Variants in ACTN1 observed in about 807,000 individuals in gnomAD.
The protein encoded by ACTN1 is actinin alpha 1.
ACTN1 carries 30 observed loss-of-function variants against 119.6 expected under a neutral mutation model. That is an observed-to-expected ratio of 0.25 (90% CI 0.19 to 0.34). The LOEUF (loss-of-function observed/expected upper bound fraction) is 0.34. Among genes scored for constraint, ACTN1 ranks in the 10% least tolerant of loss-of-function variants. ACTN1 has a pLI of 1.00. For synonymous variants in ACTN1, 429 were observed against 472.6 expected, an observed-to-expected ratio of 0.91 and a Z score of 1.20; for missense variants, 764 against 1,223.4, an observed-to-expected ratio of 0.62 and a Z score of 5.60.
chr14:68,961,130 G>C (rs141708868), intron 1 of ACTN1, among the ~76,000 whole-genome samples: 141 of 152,228 alleles, frequency 9.3e-4, no homozygotes, highest in African/African-American at 3.2e-3. Context: ...CACCTCAAAT[G>C]CTTTTTGGAA....
chr14:68,947,953 G>A (rs1594858946), intron 1 of ACTN1, among the ~76,000 whole-genome samples: 3 of 152,202 alleles, frequency 2.0e-5, no homozygotes, highest in Non-Finnish European at 2.9e-5. Context: ...CATCACACAC[G>A]CACATAATCC....
chr14:68,977,898 G>A (rs2037119270), intron 1 of ACTN1: 1 of 454,972 alleles, frequency 2.2e-6, no homozygotes, highest in African/African-American at 2.0e-5. Context: ...CGGGAGGAGG[G>A]GGAGGGAAAG....
chr14:68,926,065 C>G (rs924063419), intron 1 of ACTN1, among the ~76,000 whole-genome samples: 1 of 152,130 alleles, frequency 6.6e-6, no homozygotes, highest in African/African-American at 2.4e-5. Flanking sequence ...AGAGTAACCC[C>G]GAAGGAACAT....
At chr14:68,937,009 C>T (rs1030683431) in intron 1 of ACTN1, 1 of 319,304 alleles carries the variant, frequency 3.1e-6, no homozygotes, top group Non-Finnish European at 6.1e-6. Context: ...AGTTTTCTCC[C>T]CTAACCATTT....
intron 1 of ACTN1, among the ~76,000 whole-genome samples, chr14:68,950,477 T>TATATATATATATATATATATATATATAC (rs1349794768): frequency 8.3e-5 from 12 of 144,882 alleles, no homozygotes; most frequent in African/African-American, 2.9e-4. Flanking sequence ...TATATATATA[T>TATATATATATATATATATATATATATAC]AAATCAAACA....
intron 1 of ACTN1, among the ~76,000 whole-genome samples, chr14:68,951,908 G>A (rs2036183375): frequency 6.6e-6 from 1 of 152,190 alleles, no homozygotes; most frequent in Admixed American, 6.5e-5. Flanking sequence ...ACTAATGCTG[G>A]CAAACAGCAG....
Position 68,874,811 on chromosome 14 carries a change from G to A in ACTN1, c.*48C>T. The A allele has an allele frequency of 1.3e-6, 2 of 1,495,102 alleles. No homozygotes were observed. The highest frequency in any genetic ancestry group is 2.1e-5 in the Admixed American group (1 of 47,456). The allele number at this position is 1,495,102 out of a possible 1,614,324, so 92.6% of individuals were successfully genotyped here. ...GCAGGAGATGGGCGACGGCGGAGGT[G>A]CAAGGCAGGGCACGGCGCACAAGAC... On this transcript the variant is annotated 3_prime_UTR_variant, in exon 22 of 22. Coordinates refer to ENST00000394419, the MANE Select transcript of ACTN1 (RefSeq NM_001130004.2).
intron 1 of ACTN1, among the ~76,000 whole-genome samples, chr14:68,934,099 A>T (rs1280532125): frequency 6.6e-6 from 1 of 152,256 alleles, no homozygotes; most frequent in Non-Finnish European, 1.5e-5. Flanking sequence ...CTAAATGTGA[A>T]TTAAGACCCA....
intron 8 of ACTN1, among the ~76,000 whole-genome samples, chr14:68,901,249 G>GTTTT (rs564351239): frequency 1.2e-4 from 12 of 103,494 alleles, no homozygotes; most frequent in African/African-American, 3.0e-4. Context: ...TTTTTGTTTT[G>GTTTT]TTTTTTTTTT....
At chr14:68,903,509 C>T (rs1330091685) in intron 7 of ACTN1, among the ~76,000 whole-genome samples, 10 of 150,456 alleles carry the variant, frequency 6.6e-5, no homozygotes, top group African/African-American at 2.2e-4. Flanking sequence ...AGCACTCCAG[C>T]CTGGGTGACA....
chr14:68,952,007 A>G (rs1220297509), intron 1 of ACTN1, among the ~76,000 whole-genome samples: 2 of 152,246 alleles, frequency 1.3e-5, no homozygotes, highest in Non-Finnish European at 2.9e-5. Flanking sequence ...TTAAGGGAGT[A>G]GAGCATGGAA....
intron 1 of ACTN1, among the ~76,000 whole-genome samples, chr14:68,941,731 A>C (rs1010408960): frequency 6.6e-6 from 1 of 151,462 alleles, no homozygotes; most frequent in African/African-American, 2.4e-5. Flanking sequence ...TGAGACAAAA[A>C]GAACGACTCC....
intron 8 of ACTN1, among the ~76,000 whole-genome samples, chr14:68,901,413 A>G (rs2033323440): frequency 6.6e-6 from 1 of 151,732 alleles, no homozygotes. Flanking sequence ...ACACCCGGCT[A>G]ATTTTTGTAT....
At chr14:68,950,648 G>T (rs1187613136) in intron 1 of ACTN1, among the ~76,000 whole-genome samples, 4 of 149,496 alleles carry the variant, frequency 2.7e-5, no homozygotes, top group African/African-American at 1.0e-4. Flanking sequence ...TGCAAGCTCC[G>T]CCTCCCTGGT....
chr14:68,901,198 T>C (rs1355728017), intron 8 of ACTN1, among the ~76,000 whole-genome samples: 3 of 139,974 alleles, frequency 2.1e-5, no homozygotes, highest in Non-Finnish European at 4.6e-5. Context: ...ATTTTTTTTT[T>C]GTTTTATGGT....
chr14:68,909,617 T>C lies in ACTN1; in HGVS notation c.516-221A>G, dbSNP rs729725. Reference sequence around the variant, plus strand: ...GGGGGTTGACAAGTTCAGATAAACCTGCCATATCCAGCCCTACCCCCGACC... The same window carrying C: ...GGGGGTTGACAAGTTCAGATAAACCCGCCATATCCAGCCCTACCCCCGACC... On this transcript the variant is annotated intron_variant, in intron 5 of 21. Coordinates refer to ENST00000394419, the MANE Select transcript of ACTN1 (RefSeq NM_001130004.2). The surrounding 1 kb of genome is among the most constrained non-coding windows in gnomAD (Gnocchi z 4.1). Among the ~76,000 whole-genome samples, 61,379 of 151,880 alleles carry C rather than the reference T, an allele frequency of 0.4. 13,264 individuals carry two copies. Among genetic ancestry groups the C allele is most frequent in the East Asian group, 0.73 (3,756 of 5,154 alleles).
intron 1 of ACTN1, among the ~76,000 whole-genome samples, chr14:68,943,198 C>T (rs972114157): frequency 6.6e-6 from 1 of 152,076 alleles, no homozygotes; most frequent in Non-Finnish European, 1.5e-5. Context: ...ATGGCCAGCC[C>T]GGTTTGAGGG....
At chr14:68,948,079 C>G (rs1057334245) in intron 1 of ACTN1, among the ~76,000 whole-genome samples, 1 of 152,234 alleles carries the variant, frequency 6.6e-6, no homozygotes, top group African/African-American at 2.4e-5. Context: ...CAACCTCACA[C>G]GCAGCCTCTC....
chr14:68,943,057 C>A (rs1031769508), intron 1 of ACTN1, among the ~76,000 whole-genome samples: 1 of 152,196 alleles, frequency 6.6e-6, no homozygotes, highest in Non-Finnish European at 1.5e-5. Flanking sequence ...AAAAGCAGCA[C>A]AGAAACCCTC....
Sources: gnomAD v4.1 joint callset for allele counts (sites outside exome capture counted in the v4.1 genomes callset) on GRCh38, gnomAD v4.1.1 for gene constraint, Gnocchi (gnomAD v3.1) non-coding constraint, MANE v1.5 for transcripts, NCBI Gene and HGNC (gene_info 2026-07-23, HGNC 2026-07-21) for gene names.